SPAG16: variants seen among roughly 807,000 people sequenced by gnomAD.
SPAG16 encodes sperm-associated antigen 16 protein.
SPAG16 carries 86 observed loss-of-function variants against 80.4 expected under a neutral mutation model. The observed-to-expected ratio is 1.07, with a 90% CI of 0.90 to 1.28. The LOEUF (loss-of-function observed/expected upper bound fraction) is 1.28, where lower values mean the gene tolerates loss of function less well. Ranked by LOEUF, SPAG16 falls within the 50% of genes most tolerant of loss-of-function variation. SPAG16 has a pLI of 0.00. For synonymous variants in SPAG16, 294 were observed against 265.9 expected (o/e 1.11, Z -1.03); for missense variants, 870 against 765.3 (o/e 1.14, Z -1.61).
At chr2:213,836,859 C>T (rs565479624) in intron 10 of SPAG16, among the ~76,000 whole-genome samples, 4 of 152,172 alleles carry the variant, frequency 2.6e-5, no homozygotes, top group South Asian at 2.1e-4. Context: ...GGTGATCCCC[C>T]GGTCTCAGCC....
At chr2:214,003,229 C>G (rs1223189587) in intron 12 of SPAG16, among the ~76,000 whole-genome samples, 1 of 152,186 alleles carries the variant, frequency 6.6e-6, no homozygotes, top group Non-Finnish European at 1.5e-5. Flanking sequence ...ATGGACTTAT[C>G]TGACACTGTG....
chr2:214,278,833 A>C (rs529228528), intron 15 of SPAG16, among the ~76,000 whole-genome samples: 2 of 152,200 alleles, frequency 1.3e-5, no homozygotes, highest in African/African-American at 2.4e-5. Context: ...TTATACCTAC[A>C]TTTGAAACTT....
At chr2:213,554,055 A>G (rs1022766194) in intron 10 of SPAG16, among the ~76,000 whole-genome samples, 3 of 152,134 alleles carry the variant, frequency 2.0e-5, no homozygotes, top group African/African-American at 4.8e-5. Context: ...CCTCTCCATC[A>G]GATACCAGTA....
At chr2:213,930,920 G>A (rs1219847893) in intron 12 of SPAG16, among the ~76,000 whole-genome samples, 1 of 152,148 alleles carries the variant, frequency 6.6e-6, no homozygotes, top group Non-Finnish European at 1.5e-5. Flanking sequence ...CCATCCACCA[G>A]AGGAACACCC....
At chr2:213,845,426 G>A (rs1318207165) in intron 10 of SPAG16, among the ~76,000 whole-genome samples, 4 of 151,978 alleles carry the variant, frequency 2.6e-5, no homozygotes, top group African/African-American at 7.3e-5. Flanking sequence ...TCGGTATCTT[G>A]ACCTCGTGAT....
At chr2:213,594,839 T>G (rs1249353634) in intron 10 of SPAG16, among the ~76,000 whole-genome samples, 1 of 152,194 alleles carries the variant, frequency 6.6e-6, no homozygotes, top group African/African-American at 2.4e-5. Context: ...TCTTTTAAAA[T>G]GTATTCTCCA....
intron 12 of SPAG16, among the ~76,000 whole-genome samples, chr2:213,973,215 G>C (rs541079182): frequency 9.1e-4 from 139 of 152,226 alleles, no homozygotes; most frequent in African/African-American, 3.2e-3. Context: ...AGTATATACA[G>C]GCACTTTTGA....
chr2:214,290,171 A>T (rs1283675456), intron 15 of SPAG16, among the ~76,000 whole-genome samples: 1 of 152,042 alleles, frequency 6.6e-6, no homozygotes, highest in East Asian at 1.9e-4. Flanking sequence ...TGAGGAATTC[A>T]TCCATTTCTT....
At chr2:213,927,282 A>G (rs894837180) in intron 11 of SPAG16, among the ~76,000 whole-genome samples, 8 of 152,238 alleles carry the variant, frequency 5.3e-5, no homozygotes, top group Non-Finnish European at 8.8e-5. Flanking sequence ...GGAGTGGCAC[A>G]GTCAGTCAGT....
At chr2:214,074,710 A>T (rs557435521) in intron 13 of SPAG16, among the ~76,000 whole-genome samples, 102 of 152,312 alleles carry the variant, frequency 6.7e-4, no homozygotes, top group Middle Eastern at 3.4e-3. Context: ...ACAGTTTTCA[A>T]TTAAAAAACA....
intron 15 of SPAG16, among the ~76,000 whole-genome samples, chr2:214,170,179 TACACTTAGGTGTGTATACATATACACAC>T (rs2056818808): frequency 3.2e-5 from 4 of 123,202 alleles, no homozygotes; most frequent in African/African-American, 1.6e-4. Context: ...GGGATACACA[TACACTTAGGTGTGTATACATATACACAC>T]ACACTTAGGT....
chr2:213,927,311 C>T (rs1448924278), intron 11 of SPAG16, among the ~76,000 whole-genome samples: 4 of 152,190 alleles, frequency 2.6e-5, no homozygotes, highest in Admixed American at 6.5e-5. Flanking sequence ...TTCACTTGTG[C>T]TCTTTTTGAG....
At chr2:213,832,276 A>T (rs2073711973) in intron 10 of SPAG16, among the ~76,000 whole-genome samples, 1 of 152,056 alleles carries the variant, frequency 6.6e-6, no homozygotes, top group Non-Finnish European at 1.5e-5. Context: ...GATTACAGGC[A>T]TGAGCCACCA....
At chr2:213,860,466 T>C (rs1380130698) in intron 10 of SPAG16, among the ~76,000 whole-genome samples, 2 of 124,724 alleles carry the variant, frequency 1.6e-5, no homozygotes, top group East Asian at 2.4e-4. Context: ...TATACAGATA[T>C]ATCTATCTAT....
At chr2:214,043,338 T>C (rs1018875705) in intron 13 of SPAG16, among the ~76,000 whole-genome samples, 1 of 152,152 alleles carries the variant, frequency 6.6e-6, no homozygotes, top group Non-Finnish European at 1.5e-5. Flanking sequence ...AGAGATTAAG[T>C]CTCTTCTTTC....
Position 213,339,239 on chromosome 2 carries a change from C to T in SPAG16, c.537-924C>T, listed in dbSNP as rs182738119. Among the ~76,000 whole-genome samples, 6 of 152,188 alleles carry T rather than the reference C, an allele frequency of 3.9e-5. No homozygotes were observed. The East Asian group carries it at 7.7e-4, about 20-fold the overall frequency. On this transcript the variant is annotated intron_variant, in intron 5 of 15. Coordinates refer to ENST00000331683, the MANE Select transcript of SPAG16 (RefSeq NM_024532.5). Reference sequence around the variant, plus strand: ...ACACCGCTTAAAGCAGAAATCTGTTCGTGTGCATTTATTTTATGTGAATCA... The same window carrying T: ...ACACCGCTTAAAGCAGAAATCTGTTTGTGTGCATTTATTTTATGTGAATCA...
intron 15 of SPAG16, among the ~76,000 whole-genome samples, chr2:214,192,169 C>T (rs1482992888): frequency 3.3e-5 from 5 of 152,078 alleles, no homozygotes; most frequent in African/African-American, 9.7e-5. Context: ...CTTCAAGAAA[C>T]GAAGCATTCT....
intron 11 of SPAG16, among the ~76,000 whole-genome samples, chr2:213,869,671 C>CTTTTTT (rs1559538742): frequency 2.0e-5 from 3 of 148,188 alleles, no homozygotes; most frequent in Non-Finnish European, 3.0e-5. Context: ...TGTCTAATTC[C>CTTTTTT]AAAAGTAATA....
chr2:213,724,355 A>T (rs1461041867), intron 10 of SPAG16, among the ~76,000 whole-genome samples: 14 of 152,238 alleles, frequency 9.2e-5, no homozygotes, highest in Admixed American at 9.2e-4. Context: ...TGGTAACTTT[A>T]GCATTAAGGA....
Sources: allele counts gnomAD v4.1 joint callset (sites outside exome capture counted in the v4.1 genomes callset), GRCh38; gene constraint gnomAD v4.1.1; transcripts MANE v1.5; gene names NCBI Gene and HGNC (gene_info 2026-07-23, HGNC 2026-07-21).